HBP1: variants seen among roughly 807,000 people sequenced by gnomAD.
HBP1 encodes HMG-box transcription factor 1.
Under a neutral mutation model 62.6 loss-of-function variants are expected in HBP1, and 20 were observed. The observed-to-expected ratio is 0.32, with a 90% confidence interval of 0.22 to 0.46. HBP1 has a LOEUF of 0.46. Among genes scored for constraint, HBP1 ranks in the 20% least tolerant of loss-of-function variants. The pLI is 1.00. For missense variants in HBP1, 480 were observed against 611.8 expected (o/e 0.78, Z 2.27); for synonymous variants, 232 against 206.2 (o/e 1.12, Z -1.07).
chr7:107,189,905 C>T (rs895680678), intron 7 of HBP1: 3 of 306,162 alleles, frequency 9.8e-6, no homozygotes, highest in African/African-American at 6.5e-5. Flanking sequence ...TGCTCATTGT[C>T]ATTGTAGACG....
At chr7:107,179,852 A>C (rs1197716880) in intron 1 of HBP1, 27 bp from the exon 2 acceptor site, 1 of 1,504,402 alleles carries the variant, frequency 6.6e-7, no homozygotes, top group Non-Finnish European at 9.2e-7. Context: ...GCTTGACATC[A>C]TTTCTTAATG....
intron 10 of HBP1, 35 bp downstream of exon 10, chr7:107,200,336 G>A: frequency 6.3e-7 from 1 of 1,586,448 alleles, no homozygotes; most frequent in South Asian, 1.1e-5. Flanking sequence ...AAATTATCTT[G>A]CCTTATCCGT....
In HBP1 at chr7:107,201,518, T is replaced by A. The variant is rs2116046825; in HGVS notation, c.*87T>A. On this transcript the variant is annotated 3_prime_UTR_variant, in exon 11 of 11. Coordinates refer to ENST00000222574, the MANE Select transcript of HBP1 (RefSeq NM_012257.4). ...TTAAGAAGATCAAGGTCTCACCATT[T>A]GTCCTCAATTCGTGTGACCATAAGA... 1 of 764,464 alleles carries A rather than the reference T, an allele frequency of 1.3e-6. No individual in the cohort carries two copies. Among genetic ancestry groups the A allele is most frequent in the East Asian group, 2.6e-5 (1 of 38,142 alleles). 47.4% of individuals were successfully genotyped at this position (764,464 alleles called of 1,614,324 possible). A position where few individuals can be genotyped will look rare whatever the true frequency, so the allele number is the denominator to read the frequency against.
chr7:107,173,201 C>A (rs867660290), intron 1 of HBP1, among the ~76,000 whole-genome samples: 1 of 152,122 alleles, frequency 6.6e-6, no homozygotes, highest in Non-Finnish European at 1.5e-5. Context: ...ATTATGTAAT[C>A]CATTTAAAAT....
intron 2 of HBP1, among the ~76,000 whole-genome samples, chr7:107,180,603 T>C (rs1797061717): frequency 6.6e-6 from 1 of 152,250 alleles, no homozygotes; most frequent in South Asian, 2.1e-4. Flanking sequence ...CTTGGCTTGC[T>C]GCCCAGCTTT....
intron 3 of HBP1, 46 bp downstream of exon 3, chr7:107,182,647 C>A: frequency 9.6e-7 from 1 of 1,039,900 alleles, no homozygotes; most frequent in Non-Finnish European, 1.4e-6. Flanking sequence ...TATCATTACA[C>A]AAAGGTTTTA....
intron 1 of HBP1, among the ~76,000 whole-genome samples, chr7:107,171,088 T>TTTTTTTTTTTTATG (rs1796568505): frequency 7.5e-6 from 1 of 134,222 alleles, no homozygotes; most frequent in Admixed American, 7.7e-5. Flanking sequence ...TTTTTTTTTT[T>TTTTTTTTTTTTATG]GAGAGGGAGT....
intron 1 of HBP1, among the ~76,000 whole-genome samples, chr7:107,171,073 A>ATATATATATATATATTTTTTTTTT: frequency 1.1e-5 from 1 of 87,194 alleles, no homozygotes; most frequent in African/African-American, 6.6e-5. Flanking sequence ...ATATATATAT[A>ATATATATATATATATTTTTTTTTT]TTTTTTTTTT....
chr7:107,185,765 C>T (rs1477068505), intron 3 of HBP1, 36 bp from the exon 4 acceptor site: 2 of 1,576,080 alleles, frequency 1.3e-6, no homozygotes, highest in South Asian at 2.2e-5. Flanking sequence ...ACTTTAAGGA[C>T]CTATGCTTAT....
chr7:107,186,294 T>C (rs1342673626), intron 4 of HBP1, 67 bp from the exon 5 acceptor site: 1 of 956,368 alleles, frequency 1.0e-6, no homozygotes, highest in Non-Finnish European at 1.6e-6. Flanking sequence ...AGACGTGGGA[T>C]GAAAACAGAT....
intron 1 of HBP1, among the ~76,000 whole-genome samples, chr7:107,175,830 C>A (rs1182215107): frequency 6.6e-6 from 1 of 151,704 alleles, no homozygotes; most frequent in Non-Finnish European, 1.5e-5. Context: ...CATTCTCCTG[C>A]CTCAGCCTCC....
intron 8 of HBP1, among the ~76,000 whole-genome samples, chr7:107,193,722 G>GT (rs11397102): frequency 0.16 from 23,769 of 152,136 alleles, 2,314 homozygotes; most frequent in Non-Finnish European, 0.22. Flanking sequence ...ATTAGTAAAT[G>GT]TATACAGTAG....
intron 6 of HBP1, 39 bp downstream of exon 6, chr7:107,186,720 C>T (rs780091293): frequency 5.1e-5 from 56 of 1,094,016 alleles, no homozygotes; most frequent in Non-Finnish European, 7.7e-5. Flanking sequence ...CAAAATCTTT[C>T]CAAATGAAAC....
At chr7:107,195,773 T>G in intron 8 of HBP1, 61 bp from the exon 9 acceptor site, 3 of 818,826 alleles carry the variant, frequency 3.7e-6, no homozygotes, top group Non-Finnish European at 5.2e-6. Context: ...TTAACCTGCT[T>G]TTTAGAAATC....
At position 107,177,863 on chromosome 7, in the gene HBP1, T is replaced by A. The variant is rs145786341; in HGVS notation, c.-15-2016T>A. The stretch of plus-strand genomic sequence containing the variant: ...TATTCCTTTTTTTCCAAAAAAATTT[T>A]TTTTCCCATTTTTTTTCACAGTGAT... On this transcript the variant is annotated intron_variant, in intron 1 of 10. Transcript: ENST00000222574. Among the ~76,000 whole-genome samples the A allele has an allele frequency of 3.1e-3, 469 of 152,270 alleles. 3 individuals carry two copies. Among genetic ancestry groups the A allele is most frequent in the Admixed American group, 6.5e-3 (100 of 15,290 alleles).
Position 107,171,046 on chromosome 7 carries a change from AAT to A in HBP1, c.-16+1888_-16+1889del, listed in dbSNP as rs374693805. Among the ~76,000 whole-genome samples the A allele has an allele frequency of 7.2e-3, 435 of 60,514 alleles. 19 individuals are homozygous for A. Among genetic ancestry groups the A allele is most frequent in the South Asian group, 0.015 (31 of 2,120 alleles). The allele number at this position is 60,514 out of a possible 152,430, so 39.7% of individuals were successfully genotyped here. Reference sequence around the variant, plus strand: ...AAAATATATAACATATACATGTATAAATATATATATATATATATATATATATA... The same window carrying A: ...AAAATATATAACATATACATGTATAAATATATATATATATATATATATATA... On this transcript the variant is annotated intron_variant, in intron 1 of 10. Transcript: ENST00000222574.
intron 1 of HBP1, chr7:107,170,046 ACT>A (rs770630408): frequency 3.5e-4 from 340 of 984,874 alleles, no homozygotes; most frequent in Middle Eastern, 3.1e-3. Context: ...AGGGTGTTTC[ACT>A]CTCCGCTGTG....
rs1411135551 is a variant in HBP1, at chr7:107,195,861, T to C, written c.1095T>C (p.Ser365=). 6.2e-7 allele frequency: 1 copy of C among 1,603,800 alleles called. No homozygotes were observed. Among genetic ancestry groups the C allele is most frequent in the Non-Finnish European group, 8.5e-7 (1 of 1,170,842 alleles). ...ATGACTTCACACCTATGGATTCTTC[T>C]GCAGTTTATGTGTTAAGTAGTATGG... The part of the protein sequence containing the change: ...KSYDFTPMDS[S]AVYVLSSMAR... Residue 365 remains serine, a synonymous_variant, in exon 9 of 11, where the codon TCT becomes TCC. Coordinates refer to ENST00000222574, the MANE Select transcript of HBP1 (RefSeq NM_012257.4).
At chr7:107,189,208 C>T in intron 6 of HBP1, 84 bp from the exon 7 acceptor site, 4 of 1,166,860 alleles carry the variant, frequency 3.4e-6, no homozygotes, top group East Asian at 2.5e-5. Context: ...TTACCTTTTC[C>T]ACAAAGTCTT....
Sources: gnomAD v4.1 joint callset for allele counts (sites outside exome capture counted in the v4.1 genomes callset) on GRCh38, gnomAD v4.1.1 for gene constraint, MANE v1.5 for transcripts, NCBI Gene and HGNC (gene_info 2026-07-23, HGNC 2026-07-21) for gene names.